THSD4: variants seen among roughly 807,000 people sequenced by gnomAD.
THSD4 encodes the protein thrombospondin type 1 domain containing 4.
THSD4 carries 69 observed loss-of-function variants against 119.0 expected under a neutral mutation model. The observed-to-expected ratio is 0.58, with a 90% CI of 0.48 to 0.71. The LOEUF (loss-of-function observed/expected upper bound fraction) is 0.71, where lower values mean the gene tolerates loss of function less well. Among genes scored for constraint, THSD4 ranks in the 30% least tolerant of loss-of-function variants. The pLI, the probability that THSD4 is intolerant of heterozygous loss-of-function variation, is 0.00. For missense variants in THSD4, 1,393 were observed against 1,391.1 expected, an observed-to-expected ratio of 1.00 and a Z score of -0.02; for synonymous variants, 524 against 540.4, an observed-to-expected ratio of 0.97 and a Z score of 0.42.
chr15:71,377,777 T>C (rs1463326448), intron 6 of THSD4, among the ~76,000 whole-genome samples: 7 of 152,000 alleles, frequency 4.6e-5, no homozygotes, highest in African/African-American at 1.5e-4. Flanking sequence ...CTGAGAACTT[T>C]GTGATATACA....
At chr15:71,311,516 C>T (rs1401372126) in intron 6 of THSD4, among the ~76,000 whole-genome samples, 2 of 152,196 alleles carry the variant, frequency 1.3e-5, no homozygotes, top group Admixed American at 1.3e-4. Flanking sequence ...GAGTGCTGTG[C>T]TCCCTGCCCC....
intron 6 of THSD4, among the ~76,000 whole-genome samples, chr15:71,404,950 A>G (rs7169174): frequency 0.68 from 103,175 of 151,578 alleles, 36,355 homozygotes; most frequent in East Asian, 0.83. Context: ...GTGCAGTGGC[A>G]TGATCTCAGC....
chr15:71,294,060 A>G (rs537352621), intron 6 of THSD4, among the ~76,000 whole-genome samples: 1 of 151,744 alleles, frequency 6.6e-6, no homozygotes, highest in East Asian at 1.9e-4. Context: ...GCTTTAGTCC[A>G]TTTCCCTTCT....
intron 8 of THSD4, among the ~76,000 whole-genome samples, chr15:71,720,217 A>AT (rs2052696968): frequency 6.7e-6 from 1 of 149,424 alleles, no homozygotes; most frequent in Non-Finnish European, 1.5e-5. Flanking sequence ...CTCCTGGCTA[A>AT]TTTTTTTACT....
chr15:71,759,782 T>C (rs2625536), intron 15 of THSD4, among the ~76,000 whole-genome samples: 151,152 of 152,250 alleles, frequency 0.99, 75,051 homozygotes, highest in Middle Eastern at 1. Flanking sequence ...TGCTTGTGGC[T>C]TCCTATTGAC....
intron 3 of THSD4, among the ~76,000 whole-genome samples, chr15:71,196,399 C>G (rs1423875015): frequency 1.3e-5 from 2 of 152,140 alleles, no homozygotes; most frequent in East Asian, 3.9e-4. Context: ...AAGTTTTCCA[C>G]TAAGAACTGT....
chr15:71,104,627 A>T (rs1596200989), intron 1 of THSD4, among the ~76,000 whole-genome samples: 1 of 142,030 alleles, frequency 7.0e-6, no homozygotes, highest in Non-Finnish European at 1.6e-5. Context: ...GTCAGATTAC[A>T]GTTTGGTTGT....
chr15:71,376,225 C>G (rs935027966), intron 6 of THSD4, among the ~76,000 whole-genome samples: 1 of 151,996 alleles, frequency 6.6e-6, no homozygotes, highest in African/African-American at 2.4e-5. Context: ...TGGAGCCAAT[C>G]CTGAATGTAT....
In THSD4 at chr15:71,590,092, G is replaced by A. The variant is rs777440887; in HGVS notation, c.1153-70438G>A. On this transcript the variant is annotated intron_variant, in intron 7 of 17. Coordinates refer to ENST00000261862, the MANE Select transcript of THSD4 (RefSeq NM_024817.3). ...ATGCCAAATTGAAGATAGTGGTTAC[G>A]GCTGATGAAGGAGAGAGGGGAATGG... Among the ~76,000 whole-genome samples the A allele has an allele frequency of 5.1e-4, 71 of 139,356 alleles. 15 individuals carry two copies. Among genetic ancestry groups the A allele is most frequent in the Non-Finnish European group, 1.0e-3 (64 of 61,224 alleles). 91.4% of individuals were successfully genotyped at this position (139,356 alleles called of 152,430 possible).
chr15:71,337,031 G>A (rs534995939), intron 6 of THSD4, among the ~76,000 whole-genome samples: 11 of 152,276 alleles, frequency 7.2e-5, no homozygotes, highest in African/African-American at 2.4e-4. Flanking sequence ...GAGTGTGTGC[G>A]TGCATGCATG....
At chr15:71,540,547 G>C (rs2048745314) in intron 7 of THSD4, among the ~76,000 whole-genome samples, 1 of 144,376 alleles carries the variant, frequency 6.9e-6, no homozygotes, top group Admixed American at 7.1e-5. Flanking sequence ...TCTTGTCTCA[G>C]CCTCCCGAGT....
intron 6 of THSD4, among the ~76,000 whole-genome samples, chr15:71,318,869 A>G (rs1277871714): frequency 1.3e-5 from 2 of 152,222 alleles, no homozygotes; most frequent in African/African-American, 4.8e-5. Context: ...TGGAGAGAAC[A>G]CTGAGCTGAG....
chr15:71,261,025 C>T (rs1240765551), intron 6 of THSD4, among the ~76,000 whole-genome samples: 1 of 152,190 alleles, frequency 6.6e-6, no homozygotes, highest in Non-Finnish European at 1.5e-5. Flanking sequence ...TCACTTGAAC[C>T]CAGGAGGCAG....
intron 7 of THSD4, among the ~76,000 whole-genome samples, chr15:71,623,194 T>C (rs11633995): frequency 0.37 from 56,542 of 152,108 alleles, 12,590 homozygotes; most frequent in East Asian, 0.72. Context: ...ATTTCTATTA[T>C]AATAATCAAG....
intron 6 of THSD4, among the ~76,000 whole-genome samples, chr15:71,275,900 C>T (rs918396970): frequency 1.3e-5 from 2 of 152,162 alleles, no homozygotes; most frequent in African/African-American, 4.8e-5. Flanking sequence ...TGAGGCCTCC[C>T]CAGCCATGCT....
chr15:71,380,214 C>T (rs2046210559), intron 6 of THSD4, among the ~76,000 whole-genome samples: 2 of 152,108 alleles, frequency 1.3e-5, no homozygotes, highest in South Asian at 4.1e-4. Flanking sequence ...TTGAATTTAA[C>T]AATTCCCTTC....
intron 7 of THSD4, among the ~76,000 whole-genome samples, chr15:71,511,826 G>A (rs1356620877): frequency 6.6e-6 from 1 of 152,208 alleles, no homozygotes; most frequent in Non-Finnish European, 1.5e-5. Flanking sequence ...TCAGGGCTTA[G>A]CTTTAGCATC....
At chr15:71,152,784 C>G (rs1477844650) in intron 2 of THSD4, among the ~76,000 whole-genome samples, 2 of 152,208 alleles carry the variant, frequency 1.3e-5, no homozygotes, top group Non-Finnish European at 2.9e-5. Context: ...CCTCACTGGG[C>G]TCTCCTGCTG....
At chr15:71,519,637 C>G (rs1442351420) in intron 7 of THSD4, among the ~76,000 whole-genome samples, 1 of 152,248 alleles carries the variant, frequency 6.6e-6, no homozygotes, top group Non-Finnish European at 1.5e-5. Context: ...GCTGGGATGA[C>G]AGGCATGAAC....
Sources: allele counts gnomAD v4.1 joint callset (sites outside exome capture counted in the v4.1 genomes callset), GRCh38; gene constraint gnomAD v4.1.1; transcripts MANE v1.5; gene names NCBI Gene and HGNC (gene_info 2026-07-23, HGNC 2026-07-21).